Variants in SLC67A2 observed in about 807,000 individuals in gnomAD.
The protein encoded by SLC67A2 is solute carrier family 67 member A2.
the SLC67A2 span, chr2:102,719,149 C>G: frequency 3.1e-6 from 5 of 1,614,098 alleles, no homozygotes; most frequent in South Asian, 2.2e-5. Context: ...TTCGCAATGG[C>G]AGGCCCTTCT....
At chr2:102,736,731 T>C in the SLC67A2 span, 1 of 1,613,894 alleles carries the variant, frequency 6.2e-7, no homozygotes, top group Middle Eastern at 1.6e-4. Context: ...GGTTCCTGTC[T>C]TCTGCTCCTG....
chr2:102,725,062 G>A, the SLC67A2 span, among the ~76,000 whole-genome samples: 7 of 152,298 alleles, frequency 4.6e-5, no homozygotes, highest in South Asian at 2.1e-4. Flanking sequence ...AGAGTATCCC[G>A]TGAACAACCC....
At chr2:102,724,202 T>A in the SLC67A2 span, among the ~76,000 whole-genome samples, 1 of 152,084 alleles carries the variant, frequency 6.6e-6, no homozygotes, top group African/African-American at 2.4e-5. Flanking sequence ...CTACCTCCTG[T>A]CATGACCTCC....
At chr2:102,729,493 G>A in the SLC67A2 span, among the ~76,000 whole-genome samples, 1 of 152,116 alleles carries the variant, frequency 6.6e-6, no homozygotes, top group African/African-American at 2.4e-5. Flanking sequence ...AAAGAGAAAA[G>A]GTGTTTACTA....
chr2:102,722,957 C>A, the SLC67A2 span, among the ~76,000 whole-genome samples: 1 of 151,300 alleles, frequency 6.6e-6, no homozygotes. Context: ...GCAAAAAAAA[C>A]AAAAACAAAA....
At chr2:102,724,948 C>A in the SLC67A2 span, among the ~76,000 whole-genome samples, 1 of 152,176 alleles carries the variant, frequency 6.6e-6, no homozygotes, top group Non-Finnish European at 1.5e-5. Flanking sequence ...GAGGACTGGG[C>A]CAGAACATGA....
the SLC67A2 span, chr2:102,716,792 T>C: frequency 6.6e-6 from 1 of 152,226 alleles, no homozygotes; most frequent in Non-Finnish European, 1.5e-5. Flanking sequence ...GAATGTGAAC[T>C]TCAACTGTCT....
chr2:102,735,408 G>C, the SLC67A2 span, among the ~76,000 whole-genome samples: 1 of 152,328 alleles, frequency 6.6e-6, no homozygotes, highest in South Asian at 2.1e-4. Context: ...GTGGCATGGA[G>C]AGTGCATGAA....
chr2:102,727,528 A>T, the SLC67A2 span, among the ~76,000 whole-genome samples: 1 of 152,190 alleles, frequency 6.6e-6, no homozygotes, highest in Non-Finnish European at 1.5e-5. Context: ...CACATTCCTT[A>T]TTCCACTACA....
chr2:102,734,163 A>G, the SLC67A2 span, among the ~76,000 whole-genome samples: 1 of 152,194 alleles, frequency 6.6e-6, no homozygotes, highest in Non-Finnish European at 1.5e-5. Flanking sequence ...TTCAATAAAA[A>G]TTGATGAATA....
the SLC67A2 span, chr2:102,715,922 A>G: frequency 1.6e-4 from 25 of 152,286 alleles, no homozygotes; most frequent in African/African-American, 5.8e-4. Context: ...GGGTTTTCAA[A>G]GTTTGCTGTG....
the SLC67A2 span, among the ~76,000 whole-genome samples, chr2:102,729,533 A>G: frequency 6.6e-6 from 1 of 152,242 alleles, no homozygotes; most frequent in Non-Finnish European, 1.5e-5. Flanking sequence ...CTCTCACAAG[A>G]AAGAACATGA....
the SLC67A2 span, chr2:102,726,822 A>AG: frequency 7.8e-6 from 12 of 1,536,562 alleles, no homozygotes; most frequent in Non-Finnish European, 1.0e-5. Flanking sequence ...GTTTGAAAAA[A>AG]AAAAAAAAAA....
chr2:102,718,405 G>T, the SLC67A2 span: 1 of 1,612,142 alleles, frequency 6.2e-7, no homozygotes, highest in African/African-American at 1.3e-5. Context: ...GTTGCTTTAT[G>T]TTGTCCAAAT....
At chr2:102,728,691 C>A in the SLC67A2 span, among the ~76,000 whole-genome samples, 1 of 152,158 alleles carries the variant, frequency 6.6e-6, no homozygotes, top group Non-Finnish European at 1.5e-5. Context: ...GGGATTTACA[C>A]CCTGGCCCTA....
chr2:102,718,524 G>A, the SLC67A2 span: 50 of 1,613,418 alleles, frequency 3.1e-5, no homozygotes, highest in Middle Eastern at 4.9e-4. Flanking sequence ...AGGCTGGGGG[G>A]GCCGCAAGGG....
chr2:102,726,703 G>A, the SLC67A2 span: 27 of 1,221,106 alleles, frequency 2.2e-5, no homozygotes, highest in African/African-American at 1.8e-4. Flanking sequence ...TGCCAGGCAC[G>A]GCTCCCTTCT....
the SLC67A2 span, chr2:102,723,555 AGG>A: frequency 8.4e-6 from 6 of 718,310 alleles, no homozygotes; most frequent in South Asian, 1.8e-5. Context: ...GGAAAACACT[AGG>A]GGGGGTTCCT....
the SLC67A2 span, among the ~76,000 whole-genome samples, chr2:102,730,721 C>CT: frequency 6.0e-5 from 9 of 150,820 alleles, no homozygotes; most frequent in Admixed American, 4.0e-4. Flanking sequence ...TTTTTTGTAT[C>CT]TTTTTTTTTA....
Sources: allele counts gnomAD v4.1 joint callset (sites outside exome capture counted in the v4.1 genomes callset), GRCh38; gene constraint gnomAD v4.1.1; transcripts MANE v1.5; gene names NCBI Gene and HGNC (gene_info 2026-07-23, HGNC 2026-07-21).